The following ZNF587B variants were observed in gnomAD, a reference collection of about 807,000 sequenced individuals.
ZNF587B encodes the protein zinc finger protein 587B.
ZNF587B carries 6 observed loss-of-function variants against 7.2 expected under a neutral mutation model. The ratio of observed to expected loss-of-function variants is 0.83; its 90% CI spans 0.46 to 1.65. The LOEUF is 1.65. Among genes scored for constraint, ZNF587B ranks in the 40% most tolerant of loss-of-function variants. ZNF587B has a pLI of 0.01. For missense variants in ZNF587B, 749 were observed against 761.0 expected (o/e 0.98, Z 0.19); for synonymous variants, 274 against 254.3 (o/e 1.08, Z -0.74).
In ZNF587B at chr19:57,842,921, C is replaced by T. The variant is rs1988914074; in HGVS notation, c.*345C>T. 5.1e-6 allele frequency: 5 copies of T among 985,280 alleles called. No individual in the cohort carries two copies. The highest frequency in any genetic ancestry group is 6.0e-6 in the Non-Finnish European group (5 of 829,932). 61.0% of individuals were successfully genotyped at this position (985,280 alleles called of 1,614,324 possible). A position where few individuals can be genotyped will look rare whatever the true frequency, so the allele number is the denominator to read the frequency against. On this transcript the variant is annotated 3_prime_UTR_variant, in exon 3 of 3. Coordinates refer to ENST00000594901, the MANE Select transcript of ZNF587B (RefSeq NM_001376223.1). ...TGTTTGCAAAAAAGCACTGTGCCTT[C>T]TGTCATTGAATCCTAGAACACTGAG...
At position 57,843,420 on chromosome 19, in the gene ZNF587B, T is replaced by C. The variant is rs931210496; in HGVS notation, c.*844T>C. On this transcript the variant is annotated 3_prime_UTR_variant, in exon 3 of 3. Coordinates refer to ENST00000594901, the MANE Select transcript of ZNF587B (RefSeq NM_001376223.1). ...ATGCCCTGTTATCTTGCTAGACTTATGTGACTGCCACTTATCTGGCAAAAG... is the reference window on the plus strand; with the variant it reads ...ATGCCCTGTTATCTTGCTAGACTTACGTGACTGCCACTTATCTGGCAAAAG... The C allele has an allele frequency of 1.1e-5, 11 of 985,312 alleles. No homozygotes were observed. The highest frequency in any genetic ancestry group is 8.7e-5 in the African/African-American group (5 of 57,240). 61.0% of individuals were successfully genotyped at this position (985,312 alleles called of 1,614,324 possible).
rs202005497 is a variant in ZNF587B at position 57,841,768 on chromosome 19, G to A, written c.1094G>A (p.Arg365Gln). 77 of 1,608,018 alleles carry A rather than the reference G, an allele frequency of 4.8e-5. No homozygotes were observed. The highest frequency in any genetic ancestry group is 7.7e-5 in the South Asian group (7 of 90,590). ...GGAGAATGTGAGAAATCTTTTAGTC[G>A]GAAGCCCAGCCTTAGTTACCATCAG... ...KCGECEKSFS[R>Q]KPSLSYHQRI... is the part of the protein sequence containing the mutation. The change falls in exon 3 of 3, where the codon CGG becomes CAG. Residue 365 changes from arginine to glutamine, a missense_variant. Physicochemically the swap from Arg to Gln is conservative, Grantham distance 43. Around this residue, in one of 3 missense-constraint regions of ZNF587B, gnomAD observed 656 missense variants for 596.5 expected, o/e 1.10. Transcript: ENST00000594901.
intron 1 of ZNF587B, among the ~76,000 whole-genome samples, chr19:57,831,179 T>G (rs972308139): frequency 1.3e-5 from 2 of 152,138 alleles, no homozygotes; most frequent in Non-Finnish European, 2.9e-5. Flanking sequence ...AGGAAGGGGC[T>G]GCCAGTGAAA....
chr19:57,843,586 G>GGT lies in ZNF587B; in HGVS notation c.*1011_*1012dup, dbSNP rs1568501814. The GGT allele has an allele frequency of 2.2e-5, 18 of 817,096 alleles. No homozygotes were observed. Among genetic ancestry groups the GGT allele is most frequent in the Non-Finnish European group, 2.6e-5 (18 of 705,452 alleles). The allele number at this position is 817,096 out of a possible 1,614,324, so 50.6% of individuals were successfully genotyped here. ...TGTTTGGTTGGTTGGTTGGTTGGTT[G>GGT]GTTGTTTTTTTTTGTTTTTTTTTTT... On this transcript the variant is annotated 3_prime_UTR_variant, in exon 3 of 3. Transcript: ENST00000594901.
At position 57,842,107 on chromosome 19, in the gene ZNF587B, A is replaced by C. The variant is rs553465469; in HGVS notation, c.1433A>C (p.Lys478Thr). The C allele has an allele frequency of 1.7e-4, 273 of 1,604,404 alleles. 1 individual carries two copies. In the African/African-American group the frequency reaches 3.2e-3, roughly 19 times the overall value. Residue 478 changes from lysine (K) to threonine (T), a missense_variant, in exon 3 of 3, where the codon AAG (lysine) becomes ACG (threonine). Lys to Thr is a moderately conservative substitution (Grantham distance 78). This residue lies in a region of ZNF587B where 656 missense variants were observed against 596.5 expected (regional missense o/e 1.10). Coordinates refer to ENST00000594901, the MANE Select transcript of ZNF587B (RefSeq NM_001376223.1). ...GAATGTGGAAAATTATTTAAGAAGAAGTCTCACCTCCTTGTACACCAGAGA... is the reference window on the plus strand; with the variant it reads ...GAATGTGGAAAATTATTTAAGAAGACGTCTCACCTCCTTGTACACCAGAGA... ...CWECGKLFKK[K>T]SHLLVHQRIH... is the part of the protein sequence containing the mutation.
intron 1 of ZNF587B, among the ~76,000 whole-genome samples, chr19:57,831,559 AT>A (rs1357306021): frequency 6.6e-6 from 1 of 151,222 alleles, no homozygotes; most frequent in East Asian, 1.9e-4. Context: ...CACCTGGCTA[AT>A]TTTTTGTATG....
At chr19:57,830,815 C>A (rs1425524707) in intron 1 of ZNF587B, among the ~76,000 whole-genome samples, 1 of 151,962 alleles carries the variant, frequency 6.6e-6, no homozygotes, top group Non-Finnish European at 1.5e-5. Flanking sequence ...AAAAAAAATC[C>A]GTTTATTTAG....
chr19:57,837,745 C>T (rs1259464515), intron 1 of ZNF587B, among the ~76,000 whole-genome samples: 2 of 151,804 alleles, frequency 1.3e-5, no homozygotes, highest in Non-Finnish European at 2.9e-5. Context: ...ACGCCCCCGG[C>T]CTAGTTTTTT....
chr19:57,845,559 A>AG lies in ZNF587B; in HGVS notation c.*2984dup, dbSNP rs1480143562. 6 of 152,234 alleles carry AG rather than the reference A, an allele frequency of 3.9e-5. No individual in the cohort carries two copies. Among genetic ancestry groups the AG allele is most frequent in the Non-Finnish European group, 8.8e-5 (6 of 68,040 alleles). 9.4% of individuals were successfully genotyped at this position (152,234 alleles called of 1,614,324 possible). ...AGCCAGTGATCCAGTTCAATCAGGT[A>AG]GAAATGACCTTCCTGCTACATCAAT... On this transcript the variant is annotated 3_prime_UTR_variant, in exon 3 of 3. Coordinates refer to ENST00000594901, the MANE Select transcript of ZNF587B (RefSeq NM_001376223.1).
Position 57,842,157 on chromosome 19 carries a change from G to C in ZNF587B, c.1483G>C (p.Ala495Pro), listed in dbSNP as rs1486082740. The C allele has an allele frequency of 1.2e-6, 2 of 1,612,706 alleles. No individual in the cohort carries two copies. Among genetic ancestry groups the C allele is most frequent in the South Asian group, 2.2e-5 (2 of 90,838 alleles). The change falls in exon 3 of 3, where the codon GCT becomes CCT. Residue 495 changes from alanine to proline, a missense_variant. Transcript: ENST00000594901. ...AATTCACAGTGGAGAGAAGCCATATGCTTGTGAGGCTTGTCAGAAATTTTT... is the reference window on the plus strand; with the variant it reads ...AATTCACAGTGGAGAGAAGCCATATCCTTGTGAGGCTTGTCAGAAATTTTT... ...QRIHSGEKPY[A>P]CEACQKFFRH...
At chr19:57,833,085 G>T (rs1369488693) in intron 1 of ZNF587B, among the ~76,000 whole-genome samples, 1 of 152,308 alleles carries the variant, frequency 6.6e-6, no homozygotes, top group Non-Finnish European at 1.5e-5. Context: ...GCCCTGTACA[G>T]TCAGCAGGTG....
Position 57,842,911 on chromosome 19 carries a change from A to C in ZNF587B, c.*335A>C, listed in dbSNP as rs902354370. 2.0e-6 allele frequency: 2 copies of C among 985,334 alleles called. No individual in the cohort carries two copies. The highest frequency in any genetic ancestry group is 3.5e-5 in the African/African-American group (2 of 57,246). The allele number at this position is 985,334 out of a possible 1,614,324, so 61.0% of individuals were successfully genotyped here. On this transcript the variant is annotated 3_prime_UTR_variant, in exon 3 of 3. Coordinates refer to ENST00000594901, the MANE Select transcript of ZNF587B (RefSeq NM_001376223.1). ...TTGAATGTAATGTTTGCAAAAAAGCACTGTGCCTTCTGTCATTGAATCCTA... is the reference window on the plus strand; with the variant it reads ...TTGAATGTAATGTTTGCAAAAAAGCCCTGTGCCTTCTGTCATTGAATCCTA...
Position 57,840,142 on chromosome 19 carries a change from G to A in ZNF587B, c.164-696G>A, listed in dbSNP as rs1387223866. ...CACCCTGGAGGAGGTCATGGAGTCA[G>A]GGCTTTATTGAAAGCATACCAGGAA... On this transcript the variant is annotated intron_variant, in intron 2 of 2. Transcript: ENST00000594901. Among the ~76,000 whole-genome samples the A allele has an allele frequency of 2.0e-5, 3 of 147,378 alleles. No individual in the cohort carries two copies. The South Asian group carries it at 6.5e-4, about 32-fold the overall frequency.
Position 57,843,610 on chromosome 19 carries a change from T to G in ZNF587B, c.*1034T>G, listed in dbSNP as rs545918293. The G allele has an allele frequency of 9.3e-4, 854 of 919,850 alleles. 15 individuals carry two copies. Among genetic ancestry groups the G allele is most frequent in the African/African-American group, 2.2e-3 (113 of 52,284 alleles). 57.0% of individuals were successfully genotyped at this position (919,850 alleles called of 1,614,324 possible). On this transcript the variant is annotated 3_prime_UTR_variant, in exon 3 of 3. Transcript: ENST00000594901. ...TGGTTGTTTTTTTTTGTTTTTTTTT[T>G]TTTTTTTTTTGGAGACAAAGTTTCA...
At chr19:57,839,210 C>T in intron 2 of ZNF587B, 61 bp downstream of exon 2, 11 of 1,598,458 alleles carry the variant, frequency 6.9e-6, no homozygotes, top group Non-Finnish European at 8.5e-6. Flanking sequence ...TGTCTTTCCC[C>T]ATTGGCAAGA....
chr19:57,838,668 G>A (rs1215004095), intron 1 of ZNF587B, among the ~76,000 whole-genome samples: 3 of 152,166 alleles, frequency 2.0e-5, no homozygotes, highest in Non-Finnish European at 4.4e-5. Flanking sequence ...AGTGGTGTGT[G>A]GCAGTCAGCT....
rs761267404 is a variant in ZNF587B, at chr19:57,842,178, T to A, written c.1504T>A (p.Phe502Ile). 1.9e-6 allele frequency: 3 copies of A among 1,612,880 alleles called. No individual in the cohort carries two copies. Among genetic ancestry groups the A allele is most frequent in the South Asian group, 2.2e-5 (2 of 90,878 alleles). ...KPYACEACQK[F>I]FRHKCHLTAH... ...ATATGCTTGTGAGGCTTGTCAGAAA[T>A]TTTTTAGGCACAAGTGCCACCTCAC... The change falls in exon 3 of 3, where the codon TTT becomes ATT. Residue 502 changes from phenylalanine to isoleucine, a missense_variant. Coordinates refer to ENST00000594901, the MANE Select transcript of ZNF587B (RefSeq NM_001376223.1).
At chr19:57,837,470 A>G (rs1175664238) in intron 1 of ZNF587B, among the ~76,000 whole-genome samples, 1 of 142,560 alleles carries the variant, frequency 7.0e-6, no homozygotes, top group South Asian at 2.2e-4. Flanking sequence ...TTTGTTTGAG[A>G]TGGAGTCTCG....
Position 57,839,162 on chromosome 19 carries a change from C to T in ZNF587B, c.163+13C>T. Reference sequence around the variant, plus strand: ...ATGTCCTCCCTGGGTAAGTTGCTCACACTCACCCTGTGACTTGAGCTAGTC... The same window carrying T: ...ATGTCCTCCCTGGGTAAGTTGCTCATACTCACCCTGTGACTTGAGCTAGTC... On this transcript the variant is annotated intron_variant, in intron 2 of 2. Transcript: ENST00000594901. The T allele has an allele frequency of 6.2e-7, 1 of 1,614,008 alleles. No homozygotes were observed. Among genetic ancestry groups the T allele is most frequent in the Non-Finnish European group, 8.5e-7 (1 of 1,179,916 alleles).
Sources: allele counts gnomAD v4.1 joint callset (sites outside exome capture counted in the v4.1 genomes callset), GRCh38; gene constraint gnomAD v4.1.1; regional missense constraint gnomAD v4.1.1; transcripts MANE v1.5; gene names NCBI Gene and HGNC (gene_info 2026-07-23, HGNC 2026-07-21).